The following RYR3 variants were observed in gnomAD, a reference collection of about 807,000 sequenced individuals.
RYR3 encodes brain ryanodine receptor-calcium release channel.
A neutral mutation model predicts 584.3 loss-of-function variants in RYR3; 207 were observed. That is an observed-to-expected ratio of 0.35 (90% CI 0.32 to 0.40). The LOEUF is 0.40. RYR3 is among the 10% of genes least tolerant of loss of function. The pLI is 1.00. For missense variants in RYR3, 5,616 were observed against 6,089.2 expected (o/e 0.92, Z 2.59); for synonymous variants, 2,416 against 2,248.5 (o/e 1.07, Z -2.11).
At chr15:33,467,346 G>A (rs994518188) in intron 1 of RYR3, 2 of 211,584 alleles carry the variant, frequency 9.5e-6, no homozygotes, top group Admixed American at 6.5e-5. Flanking sequence ...CCTTAAATAG[G>A]GCTGTCAGCC....
In RYR3 at chr15:33,470,049, G is replaced by C. The variant is rs572303824; in HGVS notation, c.52-3370G>C. Among the ~76,000 whole-genome samples, 7 of 152,230 alleles carry C rather than the reference G, an allele frequency of 4.6e-5. No individual in the cohort carries two copies. In the South Asian group the frequency reaches 1.5e-3, roughly 32 times the overall value. On this transcript the variant is annotated intron_variant, in intron 1 of 103. Transcript: ENST00000634891. ...GAGGTGTCAGGTAGAACTCAACTGTGGGGCACCTGAAATCCAGGCAGAGAC... is the reference window on the plus strand; with the variant it reads ...GAGGTGTCAGGTAGAACTCAACTGTCGGGCACCTGAAATCCAGGCAGAGAC...
At chr15:33,365,312 G>C (rs1245076985) in intron 1 of RYR3, among the ~76,000 whole-genome samples, 2 of 152,170 alleles carry the variant, frequency 1.3e-5, no homozygotes, top group African/African-American at 4.8e-5. Context: ...CATTCCATGG[G>C]ACCAAAAGTC....
intron 47 of RYR3, among the ~76,000 whole-genome samples, chr15:33,730,294 C>G (rs1226497852): frequency 2.6e-5 from 4 of 151,850 alleles, no homozygotes; most frequent in African/African-American, 9.7e-5. Flanking sequence ...ATTCTAGTAT[C>G]TGGTGTTCAA....
chr15:33,395,801 T>G (rs2141322508), intron 1 of RYR3, among the ~76,000 whole-genome samples: 1 of 152,340 alleles, frequency 6.6e-6, no homozygotes, highest in Middle Eastern at 3.4e-3. Flanking sequence ...GTGACTTCAC[T>G]TAGCCCTCTG....
chr15:33,794,630 T>TA (rs894433861), intron 67 of RYR3, among the ~76,000 whole-genome samples: 2 of 152,160 alleles, frequency 1.3e-5, no homozygotes, highest in African/African-American at 4.8e-5. Context: ...TGACAGTTGC[T>TA]AAAAATGGCA....
intron 67 of RYR3, among the ~76,000 whole-genome samples, chr15:33,793,921 A>ACTCT (rs372169429): frequency 0.15 from 6,505 of 44,034 alleles, 541 homozygotes; most frequent in African/African-American, 0.26. Flanking sequence ...ACACACACAC[A>ACTCT]CTCTATATAT....
At chr15:33,863,059 A>C (rs900714670) in intron 102 of RYR3, among the ~76,000 whole-genome samples, 3 of 150,638 alleles carry the variant, frequency 2.0e-5, no homozygotes, top group African/African-American at 7.5e-5. Flanking sequence ...GTTATAGACC[A>C]GTGGAAGGAT....
intron 1 of RYR3, among the ~76,000 whole-genome samples, chr15:33,376,532 T>C (rs1208831240): frequency 6.6e-6 from 1 of 152,230 alleles, no homozygotes; most frequent in East Asian, 1.9e-4. Context: ...ACAGTTTGAC[T>C]AGTCATTGGA....
intron 1 of RYR3, among the ~76,000 whole-genome samples, chr15:33,392,199 CA>C (rs5811756): frequency 0.54 from 74,507 of 138,080 alleles, 21,596 homozygotes; most frequent in East Asian, 0.89. Context: ...GGTAAGCCCT[CA>C]AAAAAAAAAA....
At chr15:33,829,572 C>A (rs1291014671) in intron 85 of RYR3, among the ~76,000 whole-genome samples, 1 of 151,912 alleles carries the variant, frequency 6.6e-6, no homozygotes, top group African/African-American at 2.4e-5. Flanking sequence ...CACGGTGAAA[C>A]CCCATCTCTA....
chr15:33,320,430 T>C (rs1008666256), intron 1 of RYR3, among the ~76,000 whole-genome samples: 1 of 152,200 alleles, frequency 6.6e-6, no homozygotes, highest in Non-Finnish European at 1.5e-5. Context: ...GACCAATTAC[T>C]CTCCACCCAG....
chr15:33,601,068 C>G (rs2059634899), intron 16 of RYR3, among the ~76,000 whole-genome samples: 1 of 152,140 alleles, frequency 6.6e-6, no homozygotes, highest in Non-Finnish European at 1.5e-5. Flanking sequence ...CACCTTAGTC[C>G]TGGCCTAGCT....
chr15:33,524,241 A>G (rs900477166), intron 3 of RYR3, among the ~76,000 whole-genome samples: 1 of 152,208 alleles, frequency 6.6e-6, no homozygotes, highest in Non-Finnish European at 1.5e-5. Flanking sequence ...TTTCATTTTC[A>G]TAGGTTTCCT....
At chr15:33,413,948 T>C (rs2043596223) in intron 1 of RYR3, among the ~76,000 whole-genome samples, 1 of 152,278 alleles carries the variant, frequency 6.6e-6, no homozygotes, top group African/African-American at 2.4e-5. Context: ...CCAAGTACGA[T>C]GGCAGGCCAT....
At chr15:33,464,295 G>A (rs1281860865) in intron 1 of RYR3, among the ~76,000 whole-genome samples, 1 of 151,210 alleles carries the variant, frequency 6.6e-6, no homozygotes, top group Non-Finnish European at 1.5e-5. Flanking sequence ...AGTGAGGGAG[G>A]GAGCCCTCCA....
intron 1 of RYR3, among the ~76,000 whole-genome samples, chr15:33,460,731 T>C (rs1035307791): frequency 6.6e-6 from 1 of 152,112 alleles, no homozygotes; most frequent in Non-Finnish European, 1.5e-5. Context: ...ACCTGTAAAA[T>C]GGGCATAATG....
chr15:33,435,109 C>G (rs1003577925), intron 1 of RYR3, among the ~76,000 whole-genome samples: 1 of 152,080 alleles, frequency 6.6e-6, no homozygotes, highest in African/African-American at 2.4e-5. Flanking sequence ...CGTGAGCCAC[C>G]GTGCCCTGCC....
chr15:33,404,658 G>A (rs908395472), intron 1 of RYR3, among the ~76,000 whole-genome samples: 4 of 150,672 alleles, frequency 2.7e-5, no homozygotes, highest in Non-Finnish European at 5.9e-5. Flanking sequence ...TATACAAGTC[G>A]AGAAGCTGAG....
At chr15:33,509,443 G>A (rs925709403) in intron 3 of RYR3, among the ~76,000 whole-genome samples, 3 of 152,100 alleles carry the variant, frequency 2.0e-5, no homozygotes, top group African/African-American at 4.8e-5. Flanking sequence ...GAAAAAAATT[G>A]GTAATAGAAT....
Sources: gnomAD v4.1 joint callset for allele counts (sites outside exome capture counted in the v4.1 genomes callset) on GRCh38, gnomAD v4.1.1 for gene constraint, MANE v1.5 for transcripts, NCBI Gene and HGNC (gene_info 2026-07-23, HGNC 2026-07-21) for gene names.